The following SEC11A variants were observed in gnomAD, a reference collection of about 807,000 sequenced individuals.
The protein encoded by SEC11A is SEC11 homolog A, signal peptidase complex subunit.
SEC11A carries 14 observed loss-of-function variants against 25.6 expected under a neutral mutation model. The observed-to-expected ratio is 0.55, with a 90% CI of 0.36 to 0.85. The LOEUF is 0.85. Among genes scored for constraint, SEC11A ranks in the 40% least tolerant of loss-of-function variants. The probability of loss-of-function intolerance (pLI) is 0.01; values close to 1 mark genes in which losing one functional copy is unlikely to be tolerated. For synonymous variants in SEC11A, 83 were observed against 76.4 expected, an observed-to-expected ratio of 1.09 and a Z score of -0.45; for missense variants, 153 against 222.9, an observed-to-expected ratio of 0.69 and a Z score of 2.00.
intron 4 of SEC11A, among the ~76,000 whole-genome samples, chr15:84,677,797 G>T (rs1171563338): frequency 6.6e-6 from 1 of 152,134 alleles, no homozygotes; most frequent in Non-Finnish European, 1.5e-5. Flanking sequence ...AAATTGTCCA[G>T]AAGACAAGTT....
Position 84,708,790 on chromosome 15 carries a change from GA to G in SEC11A, c.51+7234del, listed in dbSNP as rs5814176. 6.0e-3 allele frequency among the ~76,000 whole-genome samples: 865 copies of G among 144,476 alleles called. 3 individuals are homozygous for G. The highest frequency in any genetic ancestry group is 0.02 in the African/African-American group (799 of 39,354). 94.8% of individuals were successfully genotyped at this position (144,476 alleles called of 152,430 possible). ...GTGACAGAGCGAGACCTTATCTCAG[GA>G]AAAAAAAAATGAAAAGAAAAGAAAA... On this transcript the variant is annotated intron_variant, in intron 1 of 5. Coordinates refer to ENST00000268220, the MANE Select transcript of SEC11A (RefSeq NM_014300.4).
chr15:84,679,558 T>G (rs1238548173), intron 4 of SEC11A, among the ~76,000 whole-genome samples: 1 of 152,192 alleles, frequency 6.6e-6, no homozygotes, highest in Non-Finnish European at 1.5e-5. Context: ...ATACAGTCTG[T>G]TCTAGGTCAA....
rs1014896474 is a variant in SEC11A, at chr15:84,699,764, G to A, written c.52-8120C>T. On this transcript the variant is annotated intron_variant, in intron 1 of 5. Coordinates refer to ENST00000268220, the MANE Select transcript of SEC11A (RefSeq NM_014300.4). ...ATACAGCAAGATCCCCGTTCTCCAC[G>A]GAAAAAGAAAAAAACAAAGACACAC... 6.0e-5 allele frequency among the ~76,000 whole-genome samples: 9 copies of A among 150,094 alleles called. 1 individual carries two copies. Among genetic ancestry groups the A allele is most frequent in the African/African-American group, 2.0e-4 (8 of 39,622 alleles).
intron 2 of SEC11A, among the ~76,000 whole-genome samples, chr15:84,688,464 G>A (rs979502314): frequency 2.0e-5 from 3 of 152,162 alleles, no homozygotes; most frequent in South Asian, 2.1e-4. Context: ...TCCATCCTAC[G>A]CCAAGTGCTG....
intron 1 of SEC11A, among the ~76,000 whole-genome samples, chr15:84,695,091 A>G (rs1293554386): frequency 1.3e-5 from 1 of 75,262 alleles, no homozygotes; most frequent in Non-Finnish European, 3.5e-5. Flanking sequence ...CTCCATCTAA[A>G]AAAAAAAAAA....
intron 4 of SEC11A, among the ~76,000 whole-genome samples, chr15:84,675,423 C>T (rs191237780): frequency 9.9e-5 from 15 of 152,234 alleles, no homozygotes; most frequent in Non-Finnish European, 1.8e-4. Context: ...GACCCCAGCA[C>T]AATTCTGTCA....
chr15:84,714,144 T>C (rs1898382611), intron 1 of SEC11A, among the ~76,000 whole-genome samples: 1 of 150,828 alleles, frequency 6.6e-6, no homozygotes, highest in Admixed American at 6.7e-5. Flanking sequence ...GCCTCCTGAG[T>C]AGCTGGAACT....
chr15:84,695,528 G>A (rs1392822907), intron 1 of SEC11A, among the ~76,000 whole-genome samples: 1 of 152,054 alleles, frequency 6.6e-6, no homozygotes, highest in East Asian at 1.9e-4. Flanking sequence ...GCTCCTTGGA[G>A]GCTGAGGCAG....
chr15:84,694,043 T>C (rs1897687039), intron 1 of SEC11A, among the ~76,000 whole-genome samples: 1 of 151,996 alleles, frequency 6.6e-6, no homozygotes, highest in Non-Finnish European at 1.5e-5. Context: ...TTCTGAAAAA[T>C]TCCAAAAAAT....
intron 1 of SEC11A, among the ~76,000 whole-genome samples, chr15:84,709,498 A>AG (rs796107651): frequency 1.8e-4 from 27 of 152,220 alleles, no homozygotes; most frequent in African/African-American, 6.0e-4. Flanking sequence ...ACTGGAGTGC[A>AG]GTGGTGTGAT....
At position 84,716,027 on chromosome 15, in the gene SEC11A, G is replaced by C; in HGVS notation, c.49C>G (p.Gln17Glu). 1.2e-6 allele frequency: 2 copies of C among 1,613,382 alleles called. No individual in the cohort carries two copies. The highest frequency in any genetic ancestry group is 8.5e-7 in the Non-Finnish European group (1 of 1,179,564). ...AAAAAGAGGACGGACAAGCTCACCTGCCGCTTGTTCATCCGCCGCACATCG... is the reference window on the plus strand; with the variant it reads ...AAAAAGAGGACGGACAAGCTCACCTCCCGCTTGTTCATCCGCCGCACATCG... ...LDDVRRMNKR[Q>E]LYYQVLNFGM... The change falls in exon 1 of 6, where the codon CAG becomes GAG. Residue 17 changes from glutamine (Q) to glutamate (E), a missense_variant and splice_region_variant. By Grantham distance (29) the Gln-to-Glu change is conservative. Coordinates refer to ENST00000268220, the MANE Select transcript of SEC11A (RefSeq NM_014300.4).
chr15:84,691,855 G>C (rs1475271980), intron 1 of SEC11A: 1 of 389,452 alleles, frequency 2.6e-6, no homozygotes, highest in African/African-American at 2.1e-5. Flanking sequence ...ATTTTGTTTG[G>C]TAAAACATCA....
intron 1 of SEC11A, among the ~76,000 whole-genome samples, chr15:84,695,494 T>C (rs1393196742): frequency 6.7e-6 from 1 of 149,182 alleles, no homozygotes; most frequent in South Asian, 2.1e-4. Context: ...TAGCTGGGTG[T>C]GGTGGTGCAT....
At chr15:84,714,277 G>A (rs1898387547) in intron 1 of SEC11A, among the ~76,000 whole-genome samples, 1 of 152,098 alleles carries the variant, frequency 6.6e-6, no homozygotes, top group African/African-American at 2.4e-5. Context: ...GCCTCCCAAA[G>A]TGCTGGGATT....
chr15:84,699,795 C>CAA (rs970640965), intron 1 of SEC11A, among the ~76,000 whole-genome samples: 1 of 151,242 alleles, frequency 6.6e-6, no homozygotes, highest in Non-Finnish European at 1.5e-5. Flanking sequence ...CACACACACA[C>CAA]AAAAAAAAGA....
chr15:84,709,732 T>G (rs756370059), intron 1 of SEC11A, among the ~76,000 whole-genome samples: 1 of 152,052 alleles, frequency 6.6e-6, no homozygotes, highest in Non-Finnish European at 1.5e-5. Context: ...CGTGAGCCAC[T>G]GCACCTGGCC....
intron 1 of SEC11A, among the ~76,000 whole-genome samples, chr15:84,703,807 A>G (rs1194579512): frequency 6.6e-6 from 1 of 152,200 alleles, no homozygotes; most frequent in Admixed American, 6.5e-5. Flanking sequence ...CACTCCAAAT[A>G]CGTATATAGA....
chr15:84,689,052 GAAGAAAAGAAAAAA>G (rs1172890559), intron 2 of SEC11A, among the ~76,000 whole-genome samples: 5 of 149,250 alleles, frequency 3.4e-5, no homozygotes, highest in East Asian at 2.0e-4. Context: ...AAAAGAAGAA[GAAGAAAAGAAAAAA>G]AAGAAAAGAA....
At chr15:84,687,569 C>T (rs1052459876) in intron 3 of SEC11A, 56 bp downstream of exon 3, 27 of 1,437,590 alleles carry the variant, frequency 1.9e-5, no homozygotes, top group South Asian at 4.5e-5. Context: ...AAACTAAATA[C>T]CACAAACACT....
Sources: allele counts gnomAD v4.1 joint callset (sites outside exome capture counted in the v4.1 genomes callset), GRCh38; gene constraint gnomAD v4.1.1; transcripts MANE v1.5; gene names NCBI Gene and HGNC (gene_info 2026-07-23, HGNC 2026-07-21).